The following PCDHGA1 variants were observed in gnomAD, a reference collection of about 807,000 sequenced individuals.
PCDHGA1 encodes protocadherin gamma subfamily A, 1.
Under a neutral mutation model 58.0 loss-of-function variants are expected in PCDHGA1, and 32 were observed. The ratio of observed to expected loss-of-function variants is 0.55; its 90% confidence interval spans 0.42 to 0.74. PCDHGA1 has a LOEUF of 0.74. Among genes scored for constraint, PCDHGA1 ranks in the 30% least tolerant of loss-of-function variants. PCDHGA1 has a pLI of 0.00. For synonymous variants in PCDHGA1, 498 were observed against 501.1 expected, an observed-to-expected ratio of 0.99 and a Z score of 0.08; for missense variants, 1,205 against 1,182.3, an observed-to-expected ratio of 1.02 and a Z score of -0.28.
chr5:141,368,384 C>A (rs1263453291), intron 1 of PCDHGA1, among the ~76,000 whole-genome samples: 1 of 151,986 alleles, frequency 6.6e-6, no homozygotes, highest in Non-Finnish European at 1.5e-5. Context: ...TACACACATA[C>A]ACACACACAA....
intron 1 of PCDHGA1, chr5:141,374,487 A>G: frequency 6.2e-7 from 1 of 1,611,648 alleles, no homozygotes; most frequent in Non-Finnish European, 8.5e-7. Context: ...CGATTCTTAA[A>G]GGAAGAATTG....
At chr5:141,360,729 C>A in intron 1 of PCDHGA1, 1 of 1,614,004 alleles carries the variant, frequency 6.2e-7, no homozygotes, top group Non-Finnish European at 8.5e-7. Flanking sequence ...TTCTAAAACA[C>A]TCTCTGGACA....
At chr5:141,393,435 C>T in intron 1 of PCDHGA1, 1 of 1,614,014 alleles carries the variant, frequency 6.2e-7, no homozygotes. Context: ...AGAGGCTGCT[C>T]ACCACCTGGT....
chr5:141,501,831 C>G (rs1246452764), intron 2 of PCDHGA1, among the ~76,000 whole-genome samples: 1 of 152,176 alleles, frequency 6.6e-6, no homozygotes, highest in African/African-American at 2.4e-5. Context: ...GCCCACCCAC[C>G]TGTTTGGCCC....
intron 1 of PCDHGA1, among the ~76,000 whole-genome samples, chr5:141,459,937 G>A (rs904431112): frequency 6.6e-6 from 1 of 152,132 alleles, no homozygotes; most frequent in Non-Finnish European, 1.5e-5. Flanking sequence ...TTGTAGCTGG[G>A]CGTGATGGCA....
chr5:141,393,720 A>G (rs371093729), intron 1 of PCDHGA1: 2 of 1,613,770 alleles, frequency 1.2e-6, no homozygotes, highest in African/African-American at 1.3e-5. Context: ...GGAAATATCA[A>G]TAGCAAAAAG....
chr5:141,403,333 C>G (rs376895778), intron 1 of PCDHGA1: 1 of 1,613,984 alleles, frequency 6.2e-7, no homozygotes, highest in South Asian at 1.1e-5. Context: ...CTGATATTAA[C>G]GACAGCGCCC....
intron 1 of PCDHGA1, chr5:141,418,737 C>G (rs768683069): frequency 6.2e-7 from 1 of 1,613,842 alleles, no homozygotes; most frequent in African/African-American, 1.3e-5. Context: ...CACGTGTTCT[C>G]TCTGGATTAC....
Position 141,487,779 on chromosome 5 carries a change from T to C in PCDHGA1, c.2422-7028T>C, listed in dbSNP as rs1269811316. On this transcript the variant is annotated intron_variant, in intron 1 of 3. Coordinates refer to ENST00000517417, the MANE Select transcript of PCDHGA1 (RefSeq NM_018912.3). This position sits in a 1 kb window ranked among gnomAD's most constrained non-coding sequence, Gnocchi z 5.0. ...GTAGACGCTGTGCTTTGTAACTGTT[T>C]CGTGAATTAACCAGAGTTGTCACAG... is the stretch of plus-strand genomic sequence containing the variant. 2.6e-6 allele frequency: 4 copies of C among 1,530,492 alleles called. No individual in the cohort carries two copies. The highest frequency in any genetic ancestry group is 2.6e-6 in the Non-Finnish European group (3 of 1,133,212). The allele number at this position is 1,530,492 out of a possible 1,614,324, so 94.8% of individuals were successfully genotyped here. A position where few individuals can be genotyped will look rare whatever the true frequency, so the allele number is the denominator to read the frequency against.
chr5:141,417,905 G>A (rs1462731893), intron 1 of PCDHGA1: 1 of 1,593,646 alleles, frequency 6.3e-7, no homozygotes, highest in Admixed American at 1.8e-5. Flanking sequence ...CCCGCGGCAG[G>A]TACTATTTCC....
intron 1 of PCDHGA1, chr5:141,383,742 T>C: frequency 6.2e-7 from 1 of 1,613,986 alleles, no homozygotes; most frequent in Non-Finnish European, 8.5e-7. Flanking sequence ...CATATTCTTT[T>C]CGGAAAATAA....
chr5:141,509,255 T>A (rs1434555633), intron 3 of PCDHGA1, among the ~76,000 whole-genome samples: 1 of 152,158 alleles, frequency 6.6e-6, no homozygotes, highest in African/African-American at 2.4e-5. Flanking sequence ...CCTCTCCGGC[T>A]TTAGTCACTC....
At chr5:141,335,214 T>C (rs1457206134) in intron 1 of PCDHGA1, among the ~76,000 whole-genome samples, 1 of 152,208 alleles carries the variant, frequency 6.6e-6, no homozygotes, top group Non-Finnish European at 1.5e-5. Flanking sequence ...TAATTTTTTT[T>C]CTGTGTATAT....
intron 1 of PCDHGA1, chr5:141,420,927 G>A (rs1257204379): frequency 2.8e-6 from 1 of 362,530 alleles, no homozygotes; most frequent in Non-Finnish European, 5.0e-6. Context: ...ACAAAGGTGA[G>A]CGTAATCATT....
At position 141,476,923 on chromosome 5, in the gene PCDHGA1, G is replaced by A. The variant is rs368207814; in HGVS notation, c.2422-17884G>A. On this transcript the variant is annotated intron_variant, in intron 1 of 3. Transcript: ENST00000517417. This position sits in a 1 kb window ranked among gnomAD's most constrained non-coding sequence, Gnocchi z 7.6. ...CGCGCGTGGTACAAGTCCTTGCAAC[G>A]GATCTGGATGAAGGCCCCAACGGTG... The A allele has an allele frequency of 5.0e-6, 8 of 1,614,024 alleles. No individual in the cohort carries two copies. Among genetic ancestry groups the A allele is most frequent in the African/African-American group, 4.0e-5 (3 of 74,952 alleles).
intron 1 of PCDHGA1, chr5:141,441,855 G>T (rs1210416963): frequency 2.8e-6 from 1 of 351,872 alleles, no homozygotes; most frequent in Admixed American, 4.0e-5. Context: ...ATATGGTGCT[G>T]CACGCCGCGG....
intron 1 of PCDHGA1, among the ~76,000 whole-genome samples, chr5:141,387,456 T>C (rs1444030980): frequency 6.6e-6 from 1 of 152,246 alleles, no homozygotes; most frequent in Non-Finnish European, 1.5e-5. Context: ...ATGATTTGCC[T>C]AAAAATCCTC....
At position 141,433,142 on chromosome 5, in the gene PCDHGA1, G is replaced by T. The variant is rs2097571106; in HGVS notation, c.2422-61665G>T. On this transcript the variant is annotated intron_variant, in intron 1 of 3. Coordinates refer to ENST00000517417, the MANE Select transcript of PCDHGA1 (RefSeq NM_018912.3). ...AAAAAGCGAGCCCCTTTTGCTGTCA[G>T]GTGATTCGGTATTTTCTAAAGACAG... The T allele has an allele frequency of 4.7e-5, 76 of 1,613,992 alleles. No homozygotes were observed. Among genetic ancestry groups the T allele is most frequent in the Non-Finnish European group, 6.4e-5 (76 of 1,180,016 alleles).
rs531285035 is a variant in PCDHGA1, at chr5:141,493,409, C to T, written c.2422-1398C>T. Among the ~76,000 whole-genome samples, 4 of 152,286 alleles carry T rather than the reference C, an allele frequency of 2.6e-5. No homozygotes were observed. The East Asian group carries it at 7.7e-4, about 29-fold the overall frequency. On this transcript the variant is annotated intron_variant, in intron 1 of 3. Coordinates refer to ENST00000517417, the MANE Select transcript of PCDHGA1 (RefSeq NM_018912.3). The surrounding 1 kb of genome is among the most constrained non-coding windows in gnomAD (Gnocchi z 4.3). Reference sequence around the variant, plus strand: ...GGACAGGAGAGGGGAGTTGCCTCTGCTGGGATTTTGCTTCTGCTGGGATGG... The same window carrying T: ...GGACAGGAGAGGGGAGTTGCCTCTGTTGGGATTTTGCTTCTGCTGGGATGG...
Sources: allele counts gnomAD v4.1 joint callset (sites outside exome capture counted in the v4.1 genomes callset), GRCh38; gene constraint gnomAD v4.1.1; non-coding constraint Gnocchi (gnomAD v3.1); transcripts MANE v1.5; gene names NCBI Gene and HGNC (gene_info 2026-07-23, HGNC 2026-07-21).